PARD3: variants seen among roughly 807,000 people sequenced by gnomAD.
PARD3 encodes the protein par-3 family cell polarity regulator.
PARD3 carries 75 observed loss-of-function variants against 155.4 expected under a neutral mutation model. The ratio of observed to expected loss-of-function variants is 0.48; its 90% CI spans 0.40 to 0.58. PARD3 has a LOEUF of 0.58. Among genes scored for constraint, PARD3 ranks in the 20% least tolerant of loss-of-function variants. The probability of loss-of-function intolerance (pLI) is 0.00; values close to 1 mark genes in which losing one functional copy is unlikely to be tolerated. For synonymous variants in PARD3, 576 were observed against 610.5 expected, an observed-to-expected ratio of 0.94 and a Z score of 0.83; for missense variants, 1,642 against 1,721.7, an observed-to-expected ratio of 0.95 and a Z score of 0.82.
At chr10:34,268,144 C>G (rs1429465778) in intron 22 of PARD3, among the ~76,000 whole-genome samples, 1 of 79,276 alleles carries the variant, frequency 1.3e-5, no homozygotes, top group African/African-American at 1.1e-4. Flanking sequence ...GGGAAAAGAT[C>G]GTTTAAAAAT....
chr10:34,648,834 G>A (rs1036117552), intron 2 of PARD3, among the ~76,000 whole-genome samples: 4 of 152,152 alleles, frequency 2.6e-5, no homozygotes, highest in African/African-American at 9.7e-5. Context: ...AGCAATCTCA[G>A]AGGGCCAGTC....
At chr10:34,211,689 A>T (rs1951761119) in intron 22 of PARD3, among the ~76,000 whole-genome samples, 1 of 152,106 alleles carries the variant, frequency 6.6e-6, no homozygotes, top group Admixed American at 6.5e-5. Flanking sequence ...GTGAGGCAGG[A>T]GAATTGCTTG....
In PARD3 at chr10:34,382,605, G is replaced by T. The variant is rs770733643; in HGVS notation, c.1334C>A (p.Thr445Lys). 3 of 1,613,858 alleles carry T rather than the reference G, an allele frequency of 1.9e-6. No individual in the cohort carries two copies. The highest frequency in any genetic ancestry group is 2.5e-6 in the Non-Finnish European group (3 of 1,179,974). ...GGTGTTATAACCACTGCTTACAGTC[G>T]TACTAAATACATTCTGAGGTGCCGA... ...PASAPQNVFS[T>K]TVSSGYNTKK... The change falls in exon 9 of 25, where the codon ACG becomes AAG. Residue 445 changes from threonine to lysine, a missense_variant. By Grantham distance (78) the Thr-to-Lys change is moderately conservative. Coordinates refer to ENST00000374788, the MANE Select transcript of PARD3 (RefSeq NM_001184785.2).
chr10:34,402,065 C>A, intron 5 of PARD3, 148 bp from the exon 6 acceptor site: 1 of 691,066 alleles, frequency 1.4e-6, no homozygotes. Flanking sequence ...ATGACAGGAT[C>A]AGTGTGTGTT....
intron 1 of PARD3, among the ~76,000 whole-genome samples, chr10:34,785,075 G>A (rs184263030): frequency 4.8e-4 from 73 of 152,312 alleles, no homozygotes; most frequent in African/African-American, 1.5e-3. Context: ...TATATGTGCT[G>A]CAGAAAAATT....
chr10:34,729,695 A>T (rs1293575908), intron 1 of PARD3, among the ~76,000 whole-genome samples: 2 of 152,216 alleles, frequency 1.3e-5, no homozygotes, highest in African/African-American at 4.8e-5. Flanking sequence ...CAAGTGCCCC[A>T]AAAGTTTCCA....
At chr10:34,717,970 A>G (rs1285777514) in intron 1 of PARD3, among the ~76,000 whole-genome samples, 1 of 151,944 alleles carries the variant, frequency 6.6e-6, no homozygotes, top group Non-Finnish European at 1.5e-5. Context: ...CCTGGGCAAC[A>G]TGGTAAAGCC....
chr10:34,464,621 A>G (rs1426794006), intron 4 of PARD3, among the ~76,000 whole-genome samples: 1 of 152,216 alleles, frequency 6.6e-6, no homozygotes, highest in Non-Finnish European at 1.5e-5. Context: ...GCAAAAATAT[A>G]AATGTCATAC....
rs1838190256 is a variant in PARD3, at chr10:34,352,377, G to A, written c.2068-4262C>T. Among the ~76,000 whole-genome samples the A allele has an allele frequency of 2.0e-5, 3 of 151,944 alleles. No individual in the cohort carries two copies. In the South Asian group the frequency reaches 6.2e-4, roughly 32 times the overall value. Reference sequence around the variant, plus strand: ...TCTCCCCTCTCCCTCCACTTTCCATGGTCTCCCTCTGATGCCGAGCCGAGG... The same window carrying A: ...TCTCCCCTCTCCCTCCACTTTCCATAGTCTCCCTCTGATGCCGAGCCGAGG... On this transcript the variant is annotated intron_variant, in intron 14 of 24. Coordinates refer to ENST00000374788, the MANE Select transcript of PARD3 (RefSeq NM_001184785.2).
At chr10:34,285,947 T>C (rs1177023115) in intron 20 of PARD3, among the ~76,000 whole-genome samples, 2 of 152,146 alleles carry the variant, frequency 1.3e-5, no homozygotes, top group Non-Finnish European at 2.9e-5. Flanking sequence ...AATTAAATTT[T>C]TGATCACTGC....
At chr10:34,482,992 T>C (rs1209888047) in intron 3 of PARD3, among the ~76,000 whole-genome samples, 1 of 137,272 alleles carries the variant, frequency 7.3e-6, no homozygotes, top group East Asian at 2.0e-4. Flanking sequence ...CTACTAAAAA[T>C]ACAAAAAAAA....
chr10:34,542,035 CT>C (rs1240434065), intron 2 of PARD3, among the ~76,000 whole-genome samples: 1 of 152,144 alleles, frequency 6.6e-6, no homozygotes, highest in African/African-American at 2.4e-5. Flanking sequence ...AACACCGCCC[CT>C]GGCCTATGCA....
At chr10:34,297,342 A>C (rs1381856727) in intron 20 of PARD3, among the ~76,000 whole-genome samples, 1 of 152,224 alleles carries the variant, frequency 6.6e-6, no homozygotes. Flanking sequence ...GCTTAACTCT[A>C]AAATCAAAAA....
intron 2 of PARD3, among the ~76,000 whole-genome samples, 198 bp from the exon 3 acceptor site, chr10:34,517,357 G>A (rs1037795463): frequency 3.3e-5 from 5 of 152,220 alleles, no homozygotes; most frequent in South Asian, 2.1e-4. Context: ...ATTCTAAGTC[G>A]TACATTTCAC....
chr10:34,478,152 T>C (rs140119729), intron 3 of PARD3, among the ~76,000 whole-genome samples: 2,785 of 152,316 alleles, frequency 0.018, 51 homozygotes, highest in Non-Finnish European at 0.022. Flanking sequence ...TATCACCTTG[T>C]TATTAAATTT....
At chr10:34,394,674 C>T (rs1233278396) in intron 7 of PARD3, among the ~76,000 whole-genome samples, 1 of 152,128 alleles carries the variant, frequency 6.6e-6, no homozygotes, top group Non-Finnish European at 1.5e-5. Context: ...TATTTTAGCA[C>T]ACAATTTTAT....
In PARD3 at chr10:34,184,698, G is replaced by GTTT. The variant is rs9336860; in HGVS notation, c.3420-53118_3420-53116dup. ...ATCATCCTGTGTTCCAGGCCTTTCG[G>GTTT]TTTTTTTTTTTTTTTTTCCCTCAAG... On this transcript the variant is annotated intron_variant, in intron 22 of 24. Transcript: ENST00000374788. 4.4e-3 allele frequency among the ~76,000 whole-genome samples: 589 copies of GTTT among 135,010 alleles called. 5 individuals carry two copies. The highest frequency in any genetic ancestry group is 0.012 in the African/African-American group (431 of 36,296). 88.6% of individuals were successfully genotyped at this position (135,010 alleles called of 152,430 possible).
chr10:34,495,293 C>G (rs1004858726), intron 3 of PARD3, among the ~76,000 whole-genome samples: 7 of 152,166 alleles, frequency 4.6e-5, no homozygotes, highest in African/African-American at 9.7e-5. Flanking sequence ...CAAGTAAGAC[C>G]TCATCCAACA....
intron 9 of PARD3, among the ~76,000 whole-genome samples, chr10:34,378,660 T>G (rs553113477): frequency 1.6e-4 from 25 of 152,234 alleles, no homozygotes; most frequent in African/African-American, 5.1e-4. Flanking sequence ...TAAACCAAAT[T>G]ATCTTTGCCT....
Sources: gnomAD v4.1 joint callset for allele counts (sites outside exome capture counted in the v4.1 genomes callset) on GRCh38, gnomAD v4.1.1 for gene constraint, MANE v1.5 for transcripts, NCBI Gene and HGNC (gene_info 2026-07-23, HGNC 2026-07-21) for gene names.